Variants in TSPOAP1 observed in about 807,000 individuals in gnomAD.
TSPOAP1 encodes the protein peripheral-type benzodiazepine receptor-associated protein 1.
Under a neutral mutation model 197.0 loss-of-function variants are expected in TSPOAP1, and 87 were observed. That is an observed-to-expected ratio of 0.44 (90% confidence interval 0.37 to 0.53). The LOEUF (loss-of-function observed/expected upper bound fraction) is 0.53, where lower values mean the gene tolerates loss of function less well. TSPOAP1 is among the 20% of genes least tolerant of loss of function. The probability of loss-of-function intolerance (pLI) is 0.00; values close to 1 mark genes in which losing one functional copy is unlikely to be tolerated. For synonymous variants in TSPOAP1, 913 were observed against 998.9 expected (o/e 0.91, Z 1.62); for missense variants, 2,174 against 2,411.3 (o/e 0.90, Z 2.06).
Position 58,322,359 on chromosome 17 carries a change from C to A in TSPOAP1, c.1371G>T (p.Gln457His), listed in dbSNP as rs1449050790. The A allele has an allele frequency of 3.7e-6, 6 of 1,605,854 alleles. No individual in the cohort carries two copies. Among genetic ancestry groups the A allele is most frequent in the Middle Eastern group, 1.6e-4 (1 of 6,084 alleles). Residue 457 changes from glutamine to histidine, a missense_variant, in exon 10 of 32, where the codon CAG becomes CAT. This residue lies in a region of TSPOAP1 where 1,933 missense variants were observed against 2,139.0 expected (regional missense o/e 0.90). Transcript: ENST00000343736. This position sits in a 1 kb window ranked among gnomAD's most constrained non-coding sequence, Gnocchi z 5.0. ...GCTTCTCCCGTAGGCTGAGCCGAGC[C>A]TGTTCATGCTCCACCTCCAGCTGCT... Reference protein sequence around the residue: ...RRQQLEVEHEQARLSLREKQE... With the variant: ...RRQQLEVEHEHARLSLREKQE...
At chr17:58,319,974 C>G (rs773423919) in intron 12 of TSPOAP1, 135 bp downstream of exon 12, 14 of 1,182,846 alleles carry the variant, frequency 1.2e-5, no homozygotes, top group East Asian at 4.8e-5. Context: ...AACTCCACCC[C>G]CTATGGATTC....
chr17:58,326,154 A>G lies in TSPOAP1; in HGVS notation c.570+139T>C. The G allele has an allele frequency of 2.2e-6, 3 of 1,389,510 alleles. No homozygotes were observed. The highest frequency in any genetic ancestry group is 2.9e-6 in the Non-Finnish European group (3 of 1,036,676). 86.1% of individuals were successfully genotyped at this position (1,389,510 alleles called of 1,614,324 possible). ...CCTGGCCAGCCTCTGCCCTTCCTGC[A>G]CCTTAGCCCCTAGATTCTTGCTTTC... On this transcript the variant is annotated intron_variant, in intron 3 of 31. Transcript: ENST00000343736. This position sits in a 1 kb window ranked among gnomAD's most constrained non-coding sequence, Gnocchi z 4.7.
chr17:58,311,375 G>T, intron 18 of TSPOAP1, 162 bp from the exon 19 acceptor site: 1 of 1,251,068 alleles, frequency 8.0e-7, no homozygotes, highest in Non-Finnish European at 1.1e-6. Flanking sequence ...CATCCTCCTG[G>T]CCATATGGCT....
At chr17:58,305,259 G>C (rs768121627) in intron 29 of TSPOAP1, 88 bp from the exon 30 acceptor site, 1 of 1,485,646 alleles carries the variant, frequency 6.7e-7, no homozygotes, top group South Asian at 1.1e-5. Flanking sequence ...AACAGCTGGG[G>C]CCAAAACCAC....
chr17:58,315,900 G>C, intron 16 of TSPOAP1, 123 bp downstream of exon 16: 1 of 733,742 alleles, frequency 1.4e-6, no homozygotes, highest in East Asian at 2.6e-5. Flanking sequence ...GGGATGGATG[G>C]ATGGATGGAT....
rs150782940 is a variant in TSPOAP1, at chr17:58,325,376, C to A, written c.750+158G>T. On this transcript the variant is annotated intron_variant, in intron 4 of 31. Coordinates refer to ENST00000343736, the MANE Select transcript of TSPOAP1 (RefSeq NM_004758.4). ...GGGACTCATGGCTCCACCCCCTTCTCCCCTCTCCCACCTGGGCCGTTGCCA... is the reference window on the plus strand; with the variant it reads ...GGGACTCATGGCTCCACCCCCTTCTACCCTCTCCCACCTGGGCCGTTGCCA... 5.2e-4 allele frequency: 470 copies of A among 904,306 alleles called. 4 individuals are homozygous for A. In the African/African-American group the frequency reaches 6.8e-3, roughly 13 times the overall value. 56.0% of individuals were successfully genotyped at this position (904,306 alleles called of 1,614,324 possible). A position where few individuals can be genotyped will look rare whatever the true frequency, so the allele number is the denominator to read the frequency against.
Position 58,312,462 on chromosome 17 carries a change from C to G in TSPOAP1, c.2359G>C (p.Glu787Gln). ...SLSPSPEGLG[E>Q]PPAVPYPRRL... ...CGGGGGTAAGGCACGGCAGGAGGCT[C>G]GCCCAGGCCCTCCGGTGATGGGCTC... The change falls in exon 17 of 32, where the codon GAG (glutamate) becomes CAG (glutamine). Residue 787 changes from glutamate (E) to glutamine (Q), a missense_variant. By Grantham distance (29) the Glu-to-Gln change is conservative (BLOSUM62 2). This residue lies in a region of TSPOAP1 where 1,933 missense variants were observed against 2,139.0 expected (regional missense o/e 0.90). Transcript: ENST00000343736. 1.2e-6 allele frequency: 2 copies of G among 1,611,678 alleles called. No homozygotes were observed. Among genetic ancestry groups the G allele is most frequent in the Non-Finnish European group, 1.7e-6 (2 of 1,179,180 alleles).
chr17:58,315,875 G>A (rs1971211042), intron 16 of TSPOAP1, 148 bp downstream of exon 16: 2 of 719,692 alleles, frequency 2.8e-6, no homozygotes, highest in African/African-American at 1.8e-5. Flanking sequence ...GGTGGGCTGA[G>A]CACGCTGGGC....
chr17:58,318,543 C>T (rs1971308625), intron 13 of TSPOAP1, 91 bp from the exon 14 acceptor site: 2 of 1,275,310 alleles, frequency 1.6e-6, no homozygotes, highest in South Asian at 3.0e-5. Flanking sequence ...GGGACCAGGC[C>T]CTCCATAGCC....
At position 58,304,235 on chromosome 17, in the gene TSPOAP1, G is replaced by A. The variant is rs1970799926; in HGVS notation, c.*32+103C>T. 3.0e-6 allele frequency: 3 copies of A among 1,011,754 alleles called. No individual in the cohort carries two copies. Among genetic ancestry groups the A allele is most frequent in the Non-Finnish European group, 4.5e-6 (3 of 662,156 alleles). The allele number at this position is 1,011,754 out of a possible 1,614,324, so 62.7% of individuals were successfully genotyped here. On this transcript the variant is annotated intron_variant, in intron 31 of 31. Transcript: ENST00000343736. This position sits in a 1 kb window ranked among gnomAD's most constrained non-coding sequence, Gnocchi z 4.2. The stretch of plus-strand genomic sequence containing the variant: ...CTCCTTCGCCATTCCCTGGACTACA[G>A]TGGGAAAGCTGGGTCAGCTCCAGTA...
Position 58,304,851 on chromosome 17 carries a change from T to C in TSPOAP1, c.5544+210A>G. ...ATGGCCTGAGGGTCAGGGTCACAGCTATCATCCCTCTGCAGAGAGGGGCAC... is the reference window on the plus strand; with the variant it reads ...ATGGCCTGAGGGTCAGGGTCACAGCCATCATCCCTCTGCAGAGAGGGGCAC... On this transcript the variant is annotated intron_variant, in intron 30 of 31. Transcript: ENST00000343736. This position sits in a 1 kb window ranked among gnomAD's most constrained non-coding sequence, Gnocchi z 4.2. 1.5e-6 allele frequency: 1 copy of C among 674,378 alleles called. No homozygotes were observed. The highest frequency in any genetic ancestry group is 2.7e-6 in the Non-Finnish European group (1 of 366,822). 41.8% of individuals were successfully genotyped at this position (674,378 alleles called of 1,614,324 possible).
chr17:58,305,029 C>T (rs962678137), intron 30 of TSPOAP1, 32 bp downstream of exon 30: 1 of 1,560,644 alleles, frequency 6.4e-7, no homozygotes, highest in Non-Finnish European at 8.8e-7. Context: ...GTAGACTGCC[C>T]TGCCAAGCTG....
At chr17:58,315,651 G>C (rs971918441) in intron 16 of TSPOAP1, among the ~76,000 whole-genome samples, 3 of 152,154 alleles carry the variant, frequency 2.0e-5, no homozygotes, top group African/African-American at 7.2e-5. Flanking sequence ...CATCAAATCT[G>C]TGCTGCATAC....
chr17:58,309,962 G>T lies in TSPOAP1; in HGVS notation c.3891+5C>A. On this transcript the variant is annotated splice_donor_5th_base_variant and intron_variant, in intron 21 of 31. Transcript: ENST00000343736. The surrounding 1 kb of genome is among the most constrained non-coding windows in gnomAD (Gnocchi z 5.0). ...GGGCCCAACAGCCCATCCCTACCCC[G>T]TTACCTTGGCCCCATTCTCCCTGAT... The T allele has an allele frequency of 1.2e-6, 2 of 1,606,870 alleles. No individual in the cohort carries two copies. Among genetic ancestry groups the T allele is most frequent in the Non-Finnish European group, 1.7e-6 (2 of 1,176,032 alleles).
chr17:58,306,266 AACAG>A (rs1970887448), intron 26 of TSPOAP1, 72 bp downstream of exon 26: 4 of 1,399,166 alleles, frequency 2.9e-6, no homozygotes, highest in Non-Finnish European at 4.0e-6. Flanking sequence ...CCTGAGAGAA[AACAG>A]ACAGCCAAGC....
rs750518135 is a variant in TSPOAP1, at chr17:58,307,902, C to A, written c.4771G>T (p.Gly1591Trp). 1.9e-6 allele frequency: 3 copies of A among 1,613,314 alleles called. No homozygotes were observed. The highest frequency in any genetic ancestry group is 2.7e-5 in the African/African-American group (2 of 74,932). ...CCTCTCTTCTGGGGGCCCCTCCGCC[C>A]AGAGCCGTCCTGCCCTCTGGCCTCT... is the stretch of plus-strand genomic sequence containing the variant. ...TGEARGQDGS[G>W]RRGPQKRGVR... The change falls in exon 23 of 32, where the codon GGG becomes TGG. Residue 1591 changes from glycine to tryptophan, a missense_variant. Gly to Trp is a radical substitution (Grantham distance 184, BLOSUM62 -2). Coordinates refer to ENST00000343736, the MANE Select transcript of TSPOAP1 (RefSeq NM_004758.4).
chr17:58,321,755 A>G (rs1458054571), intron 10 of TSPOAP1, among the ~76,000 whole-genome samples: 1 of 152,034 alleles, frequency 6.6e-6, no homozygotes, highest in Non-Finnish European at 1.5e-5. Context: ...CCTCCATAAT[A>G]CCAGCCATGT....
In TSPOAP1 at chr17:58,308,800, G is replaced by A. The variant is rs1174574702; in HGVS notation, c.4472C>T (p.Ser1491Phe). 3 of 1,613,016 alleles carry A rather than the reference G, an allele frequency of 1.9e-6. No individual in the cohort carries two copies. Among genetic ancestry groups the A allele is most frequent in the Non-Finnish European group, 2.5e-6 (3 of 1,179,970 alleles). Residue 1491 changes from serine (S) to phenylalanine (F), a missense_variant, in exon 22 of 32, where the codon TCC becomes TTC. Ser to Phe is a radical substitution (Grantham distance 155, BLOSUM62 -2). Transcript: ENST00000343736. The stretch of plus-strand genomic sequence containing the variant: ...AATGCTGATTTCCAAGCACTTGGGG[G>A]AAAGGCAGCTGGCCAGGCCAGGCTC... Reference protein sequence around the residue: ...ALEPGLASCLSPKCLEISIEY... With the variant: ...ALEPGLASCLFPKCLEISIEY...
Position 58,328,553 on chromosome 17 carries a change from C to T in TSPOAP1, c.-633G>A, listed in dbSNP as rs919165736. Reference sequence around the variant, plus strand: ...CGCAACCCCTCAGCCCGGCCAGAGGCTTCAGGAGCTGCTGGGGGTGATCCC... The same window carrying T: ...CGCAACCCCTCAGCCCGGCCAGAGGTTTCAGGAGCTGCTGGGGGTGATCCC... On this transcript the variant is annotated 5_prime_UTR_variant, in exon 1 of 32. Coordinates refer to ENST00000343736, the MANE Select transcript of TSPOAP1 (RefSeq NM_004758.4). This position sits in a 1 kb window ranked among gnomAD's most constrained non-coding sequence, Gnocchi z 4.3. 1 of 153,828 alleles carries T rather than the reference C, an allele frequency of 6.5e-6. No individual in the cohort carries two copies. The highest frequency in any genetic ancestry group is 1.4e-5 in the Non-Finnish European group (1 of 69,028). 9.5% of individuals were successfully genotyped at this position (153,828 alleles called of 1,614,324 possible). A position where few individuals can be genotyped will look rare whatever the true frequency, so the allele number is the denominator to read the frequency against.
Sources: allele counts gnomAD v4.1 joint callset (sites outside exome capture counted in the v4.1 genomes callset), GRCh38; gene constraint gnomAD v4.1.1; regional missense constraint gnomAD v4.1.1; non-coding constraint Gnocchi (gnomAD v3.1); transcripts MANE v1.5; gene names NCBI Gene and HGNC (gene_info 2026-07-23, HGNC 2026-07-21).